COBL: variants seen among roughly 807,000 people sequenced by gnomAD.
COBL encodes cordon-bleu WH2 repeat protein.
COBL carries 51 observed loss-of-function variants against 98.8 expected under a neutral mutation model. The ratio of observed to expected loss-of-function variants is 0.52; its 90% CI spans 0.41 to 0.65. The LOEUF (loss-of-function observed/expected upper bound fraction) is 0.65. Among genes scored for constraint, COBL ranks in the 30% least tolerant of loss-of-function variants. The pLI is 0.00. For missense variants in COBL, 1,617 were observed against 1,617.5 expected, an observed-to-expected ratio of 1.00 and a Z score of 0.01; for synonymous variants, 634 against 651.7, an observed-to-expected ratio of 0.97 and a Z score of 0.41.
chr7:51,190,797 G>T, intron 4 of COBL, 53 bp downstream of exon 4: 2 of 1,443,674 alleles, frequency 1.4e-6, no homozygotes, highest in Non-Finnish European at 1.9e-6. Flanking sequence ...ACATGTACAC[G>T]CCGCGCATCC....
chr7:51,260,639 T>C lies in COBL; in HGVS notation c.42-40695A>G, dbSNP rs190004696. On this transcript the variant is annotated intron_variant, in intron 1 of 12. Transcript: ENST00000265136. The stretch of plus-strand genomic sequence containing the variant: ...TCCAAGGCACTGGTTGAGCTATGTG[T>C]TGCAGAATGGGATAAGGACATGTCT... 9.2e-5 allele frequency among the ~76,000 whole-genome samples: 14 copies of C among 152,324 alleles called. No individual in the cohort carries two copies. The East Asian group carries it at 2.3e-3, about 25-fold the overall frequency.
intron 7 of COBL, chr7:51,072,308 A>G (rs1792641631): frequency 6.6e-6 from 1 of 152,198 alleles, no homozygotes; most frequent in Non-Finnish European, 1.5e-5. Context: ...ACATATGACT[A>G]TTTTTACCTA....
chr7:51,029,003 C>T lies in COBL; in HGVS notation c.2093G>A (p.Ser698Asn), dbSNP rs761142544. The T allele has an allele frequency of 2.5e-6, 4 of 1,614,138 alleles. No individual in the cohort carries two copies. In the South Asian group the frequency reaches 4.4e-5, roughly 18 times the overall value. Residue 698 changes from serine to asparagine, a missense_variant, in exon 10 of 13, where the codon AGC becomes AAC. Physicochemically the swap from Ser to Asn is conservative, Grantham distance 46. Coordinates refer to ENST00000265136, the MANE Select transcript of COBL (RefSeq NM_015198.5). ...TGTGAGGCCGTGCTTAAGTCTGTAGCTTTTCCCTGGGTTTTGGCCTCGTTG... is the reference window on the plus strand; with the variant it reads ...TGTGAGGCCGTGCTTAAGTCTGTAGTTTTTCCCTGGGTTTTGGCCTCGTTG... ...WHQRGQNPGK[S>N]YRLKHGLTTY...
chr7:51,156,242 T>C, intron 5 of COBL: 1 of 984,846 alleles, frequency 1.0e-6, no homozygotes, highest in African/African-American at 1.7e-5. Flanking sequence ...GCAAATTAAT[T>C]CCTTTCTTAC....
intron 7 of COBL, among the ~76,000 whole-genome samples, chr7:51,066,125 T>C (rs548827562): frequency 3.3e-4 from 50 of 152,332 alleles, no homozygotes; most frequent in African/African-American, 1.1e-3. Flanking sequence ...ATTAAAGTAA[T>C]TGAAGTCCAC....
In COBL at chr7:51,025,231, C is replaced by T; in HGVS notation, c.3646G>A (p.Ala1216Thr). The T allele has an allele frequency of 8.8e-7, 1 of 1,130,890 alleles. No individual in the cohort carries two copies. The highest frequency in any genetic ancestry group is 1.2e-5 in the South Asian group (1 of 82,488). 70.1% of individuals were successfully genotyped at this position (1,130,890 alleles called of 1,614,324 possible). Residue 1216 changes from alanine to threonine, a missense_variant, in exon 12 of 13, where the codon GCT becomes ACT. Around this residue, in one of 3 missense-constraint regions of COBL, gnomAD observed 1,304 missense variants for 1,282.0 expected, o/e 1.02. Coordinates refer to ENST00000265136, the MANE Select transcript of COBL (RefSeq NM_015198.5). ...IPPPPPPPSQALSAPRTASRF... is the reference protein window; with the variant it reads ...IPPPPPPPSQTLSAPRTASRF... ...GAGGCCGTCCTTGGTGCAGAGAGAGCCTGGGAGGGTGGAGGGGGTGGTGGG... is the reference window on the plus strand; with the variant it reads ...GAGGCCGTCCTTGGTGCAGAGAGAGTCTGGGAGGGTGGAGGGGGTGGTGGG...
intron 2 of COBL, among the ~76,000 whole-genome samples, chr7:51,216,252 C>T (rs1271019040): frequency 6.6e-6 from 1 of 152,212 alleles, no homozygotes; most frequent in Non-Finnish European, 1.5e-5. Context: ...ACAATCTCAG[C>T]TCATTGTAAC....
intron 6 of COBL, among the ~76,000 whole-genome samples, chr7:51,123,081 T>C (rs1797891512): frequency 6.6e-6 from 1 of 152,220 alleles, no homozygotes. Context: ...GTTTTATTTG[T>C]TGTCCCTATC....
At chr7:51,209,928 A>G (rs1258624972) in intron 2 of COBL, among the ~76,000 whole-genome samples, 1 of 152,198 alleles carries the variant, frequency 6.6e-6, no homozygotes, top group Non-Finnish European at 1.5e-5. Flanking sequence ...ACAGGTTTGG[A>G]GCATCTAGAG....
At chr7:51,224,954 C>T (rs1014694318) in intron 1 of COBL, among the ~76,000 whole-genome samples, 2 of 151,402 alleles carry the variant, frequency 1.3e-5, no homozygotes, top group African/African-American at 2.5e-5. Flanking sequence ...CATGCGGGGG[C>T]GGCCCGTGCA....
At chr7:51,209,231 T>C (rs1015321554) in intron 2 of COBL, among the ~76,000 whole-genome samples, 6 of 151,978 alleles carry the variant, frequency 3.9e-5, no homozygotes, top group African/African-American at 1.5e-4. Flanking sequence ...ATGCCAATGC[T>C]ACAAGAAAAG....
intron 8 of COBL, among the ~76,000 whole-genome samples, chr7:51,040,733 C>G (rs1789100844): frequency 6.6e-6 from 1 of 152,146 alleles, no homozygotes; most frequent in Non-Finnish European, 1.5e-5. Context: ...CTCTCAAATT[C>G]AGTGGCACCC....
At chr7:51,314,924 A>T (rs1365177988) in intron 1 of COBL, among the ~76,000 whole-genome samples, 1 of 152,232 alleles carries the variant, frequency 6.6e-6, no homozygotes, top group Non-Finnish European at 1.5e-5. Flanking sequence ...GGCTGAAAAG[A>T]GTGCCACGCT....
intron 8 of COBL, 120 bp downstream of exon 8, chr7:51,043,263 G>C: frequency 2.2e-6 from 2 of 918,126 alleles, no homozygotes; most frequent in South Asian, 1.7e-5. Context: ...AATCAGGGTC[G>C]GGGCCCCTGG....
At chr7:51,283,491 TG>T (rs1799992208) in intron 1 of COBL, among the ~76,000 whole-genome samples, 1 of 152,212 alleles carries the variant, frequency 6.6e-6, no homozygotes, top group Non-Finnish European at 1.5e-5. Flanking sequence ...TTTGTTTGTT[TG>T]TTTTTTTGTG....
intron 6 of COBL, among the ~76,000 whole-genome samples, chr7:51,090,171 C>T (rs569657401): frequency 6.6e-6 from 1 of 152,188 alleles, no homozygotes; most frequent in Admixed American, 6.5e-5. Context: ...TTTAAGACTC[C>T]TTGTCATGAA....
Position 51,029,445 on chromosome 7 carries a change from G to C in COBL, c.1651C>G (p.Pro551Ala). The C allele has an allele frequency of 1.2e-6, 2 of 1,614,130 alleles. No individual in the cohort carries two copies. The highest frequency in any genetic ancestry group is 1.1e-5 in the South Asian group (1 of 91,066). Residue 551 changes from proline to alanine, a missense_variant, in exon 10 of 13, where the codon CCT becomes GCT. Coordinates refer to ENST00000265136, the MANE Select transcript of COBL (RefSeq NM_015198.5). ...VTFIGEVSDD[P>A]VDSGLFSNRN... is the part of the protein sequence containing the mutation. Reference sequence around the variant, plus strand: ...TTGGAAAACAACCCCGAATCCACAGGATCATCTGAAACTTCCCCTATGAAT... The same window carrying C: ...TTGGAAAACAACCCCGAATCCACAGCATCATCTGAAACTTCCCCTATGAAT...
At chr7:51,303,937 C>A (rs1033103380) in intron 1 of COBL, among the ~76,000 whole-genome samples, 9 of 152,212 alleles carry the variant, frequency 5.9e-5, no homozygotes, top group Non-Finnish European at 2.9e-5. Flanking sequence ...TGCACACCAA[C>A]ACTAAACTCA....
intron 1 of COBL, among the ~76,000 whole-genome samples, chr7:51,269,548 G>T (rs1798567963): frequency 6.6e-6 from 1 of 152,216 alleles, no homozygotes; most frequent in African/African-American, 2.4e-5. Context: ...AGGAGCGTGG[G>T]CTCCATGTCA....
Sources: allele counts gnomAD v4.1 joint callset (sites outside exome capture counted in the v4.1 genomes callset), GRCh38; gene constraint gnomAD v4.1.1; regional missense constraint gnomAD v4.1.1; transcripts MANE v1.5; gene names NCBI Gene and HGNC (gene_info 2026-07-23, HGNC 2026-07-21).